GSG1L2: variants seen among roughly 807,000 people sequenced by gnomAD.
GSG1L2 encodes GSG1 like 2.
In GSG1L2, 15 loss-of-function variants were observed where a neutral mutation model predicts 9.0. The ratio of observed to expected loss-of-function variants is 1.67; its 90% CI spans 1.12 to 2.57. The LOEUF (loss-of-function observed/expected upper bound fraction) is 2.57, where lower values mean the gene tolerates loss of function less well. GSG1L2 is among the 30% of genes most tolerant of loss of function. The pLI, the probability that GSG1L2 is intolerant of heterozygous loss-of-function variation, is 0.00. For synonymous variants in GSG1L2, 127 were observed against 57.9 expected, an observed-to-expected ratio of 2.19 and a Z score of -5.41; for missense variants, 286 against 150.3, an observed-to-expected ratio of 1.90 and a Z score of -4.72.
At chr17:9,809,236 G>C (rs1467065013) in intron 2 of GSG1L2, 4 of 473,234 alleles carry the variant, frequency 8.5e-6, no homozygotes, top group Non-Finnish European at 1.5e-5. Context: ...GCAAAACCCT[G>C]CTGTGAGGAT....
intron 2 of GSG1L2, chr17:9,810,357 C>G (rs1443657312): frequency 1.7e-6 from 1 of 583,548 alleles, no homozygotes; most frequent in Non-Finnish European, 3.0e-6. Context: ...ATCAGGGCTT[C>G]CCATCCACCC....
rs762598632 is a variant in GSG1L2 at position 9,802,262 on chromosome 17, G to T, written c.*124C>A. ...TTTAGTAAAAGGTGAGATGTGGAGG[G>T]GTGGGGATGGAAGCTTTCCCTGGAC... On this transcript the variant is annotated 3_prime_UTR_variant, in exon 5 of 5. Coordinates refer to ENST00000399363, the MANE Select transcript of GSG1L2 (RefSeq NM_001310219.2). The T allele has an allele frequency of 3.7e-5, 21 of 573,602 alleles. No individual in the cohort carries two copies. Among genetic ancestry groups the T allele is most frequent in the African/African-American group, 2.1e-4 (11 of 53,588 alleles). The allele number at this position is 573,602 out of a possible 1,614,324, so 35.5% of individuals were successfully genotyped here. A position where few individuals can be genotyped will look rare whatever the true frequency, so the allele number is the denominator to read the frequency against.
intron 1 of GSG1L2, among the ~76,000 whole-genome samples, chr17:9,821,345 T>G (rs558697245): frequency 1.3e-5 from 2 of 152,334 alleles, no homozygotes; most frequent in South Asian, 4.1e-4. Flanking sequence ...ACCTTCGAGT[T>G]GGGTCGGGAC....
chr17:9,813,802 T>C (rs1237896838), intron 1 of GSG1L2, among the ~76,000 whole-genome samples: 2 of 152,252 alleles, frequency 1.3e-5, no homozygotes, highest in South Asian at 2.1e-4. Flanking sequence ...CATCTCTGCC[T>C]GTTTCTGCCA....
In GSG1L2 at chr17:9,802,756, C is replaced by A. The variant is rs552386600; in HGVS notation, c.624-112G>T. The stretch of plus-strand genomic sequence containing the variant: ...GAAAACAACAGCTCCTCGTTCTACT[C>A]AGTTTGGACCTGCATTTTGGATCAC... On this transcript the variant is annotated intron_variant, in intron 4 of 4. Coordinates refer to ENST00000399363, the MANE Select transcript of GSG1L2 (RefSeq NM_001310219.2). 1.4e-5 allele frequency: 9 copies of A among 621,914 alleles called. No individual in the cohort carries two copies. The African/African-American group carries it at 1.5e-4, about 10-fold the overall frequency. 38.5% of individuals were successfully genotyped at this position (621,914 alleles called of 1,614,324 possible). A position where few individuals can be genotyped will look rare whatever the true frequency, so the allele number is the denominator to read the frequency against.
At chr17:9,808,387 C>G (rs1334106054) in intron 3 of GSG1L2, among the ~76,000 whole-genome samples, 1 of 152,164 alleles carries the variant, frequency 6.6e-6, no homozygotes, top group Non-Finnish European at 1.5e-5. Context: ...TTCTTCTATA[C>G]TAGGTGCACT....
At chr17:9,819,740 C>T (rs2066581461) in intron 1 of GSG1L2, among the ~76,000 whole-genome samples, 1 of 152,086 alleles carries the variant, frequency 6.6e-6, no homozygotes, top group Admixed American at 6.6e-5. Flanking sequence ...TCAGGCGATT[C>T]TCCTGCCTCA....
At chr17:9,814,634 T>A (rs533649643) in intron 1 of GSG1L2, among the ~76,000 whole-genome samples, 1 of 152,238 alleles carries the variant, frequency 6.6e-6, no homozygotes, top group South Asian at 2.1e-4. Flanking sequence ...ATGGTGTTCG[T>A]TTTGAATAAA....
intron 1 of GSG1L2, among the ~76,000 whole-genome samples, chr17:9,819,888 C>G (rs1347227478): frequency 6.6e-6 from 1 of 151,938 alleles, no homozygotes; most frequent in Admixed American, 6.6e-5. Flanking sequence ...GCTGGGATTA[C>G]AGGTGTGAGC....
At chr17:9,816,180 T>C (rs1567711093) in intron 1 of GSG1L2, among the ~76,000 whole-genome samples, 1 of 152,256 alleles carries the variant, frequency 6.6e-6, no homozygotes, top group African/African-American at 2.4e-5. Context: ...TCTGGTATTC[T>C]GTTTTAAGCA....
In GSG1L2 at chr17:9,807,475, G is replaced by T; in HGVS notation, c.623+15C>A. 1 of 702,676 alleles carries T rather than the reference G, an allele frequency of 1.4e-6. No individual in the cohort carries two copies. Among genetic ancestry groups the T allele is most frequent in the South Asian group, 1.5e-5 (1 of 67,512 alleles). 43.5% of individuals were successfully genotyped at this position (702,676 alleles called of 1,614,324 possible). A position where few individuals can be genotyped will look rare whatever the true frequency, so the allele number is the denominator to read the frequency against. ...TGATCCTCCAGGACTTCAGCACCAT[G>T]ACCAAGCAACTTACCAATATGACCA... is the stretch of plus-strand genomic sequence containing the variant. On this transcript the variant is annotated intron_variant, in intron 4 of 4. Coordinates refer to ENST00000399363, the MANE Select transcript of GSG1L2 (RefSeq NM_001310219.2).
At chr17:9,811,621 TAACACGTC>T (rs1298061717) in intron 1 of GSG1L2, among the ~76,000 whole-genome samples, 2 of 152,196 alleles carry the variant, frequency 1.3e-5, no homozygotes, top group African/African-American at 4.8e-5. Flanking sequence ...CTCTCTCTAC[TAACACGTC>T]AGCCCAAAAT....
chr17:9,821,781 C>T lies in GSG1L2; in HGVS notation c.291G>A (p.Glu97=), dbSNP rs2066590862. The T allele has an allele frequency of 5.7e-6, 4 of 703,292 alleles. No individual in the cohort carries two copies. Among genetic ancestry groups the T allele is most frequent in the Non-Finnish European group, 1.0e-5 (4 of 385,032 alleles). 43.6% of individuals were successfully genotyped at this position (703,292 alleles called of 1,614,324 possible). A position where few individuals can be genotyped will look rare whatever the true frequency, so the allele number is the denominator to read the frequency against. The part of the protein sequence containing the change: ...GFHVGLWQSC[E]ESLNGEDEKC... ...GCTCACCTTCACCGTTGAGGCTCTC[C>T]TCGCAGGACTGCCAGAGCCCCACAT... Residue 97 remains glutamate (E), a synonymous_variant, in exon 1 of 5, where the codon GAG becomes GAA. Transcript: ENST00000399363.
At position 9,820,322 on chromosome 17, in the gene GSG1L2, A is replaced by T. The variant is rs1264972994; in HGVS notation, c.310+1440T>A. ...GAAAGGAGATGGAATTTCCCAAGTG[A>T]TTTGCCTATAAGTATGGTGAATACA... On this transcript the variant is annotated intron_variant, in intron 1 of 4. Transcript: ENST00000399363. This position sits in a 1 kb window ranked among gnomAD's most constrained non-coding sequence, Gnocchi z 4.9. Among the ~76,000 whole-genome samples, 1 of 152,154 alleles carries T rather than the reference A, an allele frequency of 6.6e-6. No homozygotes were observed. Among genetic ancestry groups the T allele is most frequent in the African/African-American group, 2.4e-5 (1 of 41,430 alleles).
intron 4 of GSG1L2, 90 bp from the exon 5 acceptor site, chr17:9,802,734 A>ATTGACCTCTACT: frequency 1.5e-6 from 1 of 647,264 alleles, no homozygotes; most frequent in South Asian, 1.7e-5. Flanking sequence ...ATCTGGAGAA[A>ATTGACCTCTACT]ACAACAGCTC....
chr17:9,820,513 A>G lies in GSG1L2; in HGVS notation c.310+1249T>C, dbSNP rs958439487. Among the ~76,000 whole-genome samples, 1 of 152,126 alleles carries G rather than the reference A, an allele frequency of 6.6e-6. No homozygotes were observed. Among genetic ancestry groups the G allele is most frequent in the African/African-American group, 2.4e-5 (1 of 41,414 alleles). On this transcript the variant is annotated intron_variant, in intron 1 of 4. Transcript: ENST00000399363. This position sits in a 1 kb window ranked among gnomAD's most constrained non-coding sequence, Gnocchi z 4.9. ...CTAAATAGCCTTAGCTCCAGGCACT[A>G]TTGCAGTGTCTGTACCACACTTAAA...
intron 1 of GSG1L2, among the ~76,000 whole-genome samples, chr17:9,815,305 G>A (rs1356159494): frequency 2.0e-5 from 3 of 152,256 alleles, no homozygotes; most frequent in South Asian, 2.1e-4. Context: ...CAGGAGAATC[G>A]CTTGAACCCC....
rs73256736 is a variant in GSG1L2, at chr17:9,802,088, C to T, written c.*298G>A. 0.022 allele frequency among the ~76,000 whole-genome samples: 3,374 copies of T among 152,318 alleles called. 109 individuals are homozygous for T. The highest frequency in any genetic ancestry group is 0.064 in the African/African-American group (2,657 of 41,558). On this transcript the variant is annotated 3_prime_UTR_variant, in exon 5 of 5. Coordinates refer to ENST00000399363, the MANE Select transcript of GSG1L2 (RefSeq NM_001310219.2). The stretch of plus-strand genomic sequence containing the variant: ...TCTCTTCCCTTAGTACTGGCATCCT[C>T]CCTGTTTCTTTGGTATCCTTATCAA...
intron 1 of GSG1L2, among the ~76,000 whole-genome samples, chr17:9,811,262 G>T (rs2066537855): frequency 6.6e-6 from 1 of 152,202 alleles, no homozygotes; most frequent in Admixed American, 6.5e-5. Context: ...CTAAGACTCA[G>T]CAGGTGAGTC....
Sources: gnomAD v4.1 joint callset for allele counts (sites outside exome capture counted in the v4.1 genomes callset) on GRCh38, gnomAD v4.1.1 for gene constraint, Gnocchi (gnomAD v3.1) non-coding constraint, MANE v1.5 for transcripts, NCBI Gene and HGNC (gene_info 2026-07-23, HGNC 2026-07-21) for gene names.